The following COA6 variants were observed in gnomAD, a reference collection of about 807,000 sequenced individuals.
COA6 encodes cytochrome c oxidase assembly factor 6 homolog.
COA6 carries 12 observed loss-of-function variants against 17.1 expected under a neutral mutation model. That is an observed-to-expected ratio of 0.70 (90% confidence interval 0.45 to 1.14). COA6 has a LOEUF of 1.14. Among genes scored for constraint, COA6 ranks in the 50% most tolerant of loss-of-function variants. COA6 has a pLI of 0.00. For synonymous variants in COA6, 90 were observed against 73.4 expected (o/e 1.23, Z -1.16); for missense variants, 246 against 196.5 (o/e 1.25, Z -1.51).
chr1:234,383,030 A>AAG (rs1553268845), intron 2 of COA6, among the ~76,000 whole-genome samples: 58 of 73,244 alleles, frequency 7.9e-4, no homozygotes, highest in East Asian at 4.3e-3. Flanking sequence ...AGAGAGAGAG[A>AAG]GAAGGAAGGG....
At chr1:234,383,353 G>GA (rs1162640035) in intron 2 of COA6, among the ~76,000 whole-genome samples, 1 of 136,592 alleles carries the variant, frequency 7.3e-6, no homozygotes, top group African/African-American at 2.7e-5. Context: ...CACATCACAG[G>GA]AAAGGGAACA....
chr1:234,378,889 A>C (rs1217595749), intron 2 of COA6, among the ~76,000 whole-genome samples: 2 of 152,078 alleles, frequency 1.3e-5, no homozygotes, highest in East Asian at 3.8e-4. Context: ...TTTTGAAAAA[A>C]ACAAAACAAA....
chr1:234,374,001 TCA>T (rs1366517186), intron 1 of COA6: 16 of 1,011,272 alleles, frequency 1.6e-5, no homozygotes, highest in South Asian at 3.3e-5. Flanking sequence ...AGGGATCAAA[TCA>T]CACAGTGTGA....
chr1:234,373,936 G>C, intron 1 of COA6: 1 of 1,400,554 alleles, frequency 7.1e-7, no homozygotes, highest in Non-Finnish European at 9.7e-7. Context: ...CTAAGCGACT[G>C]GGACAGAACC....
At chr1:234,376,450 C>T (rs1277033605) in intron 2 of COA6, among the ~76,000 whole-genome samples, 3 of 152,196 alleles carry the variant, frequency 2.0e-5, no homozygotes, top group African/African-American at 7.2e-5. Flanking sequence ...ACACTCTACA[C>T]TCTACACACT....
rs778563166 is a variant in COA6 at position 234,373,707 on chromosome 1, C to T, written c.212+29C>T. The T allele has an allele frequency of 1.2e-5, 20 of 1,613,284 alleles. No homozygotes were observed. The highest frequency in any genetic ancestry group is 1.7e-5 in the Non-Finnish European group (20 of 1,179,618). Reference sequence around the variant, plus strand: ...GGCTTGCTGATGGGTCCGGGTGGGGCGCGCGTGGACTATGGGCCCGGGAGG... The same window carrying T: ...GGCTTGCTGATGGGTCCGGGTGGGGTGCGCGTGGACTATGGGCCCGGGAGG... On this transcript the variant is annotated intron_variant, in intron 1 of 2. Coordinates refer to ENST00000366615, the MANE Select transcript of COA6 (RefSeq NM_001206641.3).
At chr1:234,380,797 C>T (rs1266732636) in intron 2 of COA6, among the ~76,000 whole-genome samples, 3 of 152,296 alleles carry the variant, frequency 2.0e-5, no homozygotes, top group South Asian at 2.1e-4. Context: ...GTCAGGAGGT[C>T]GGGACCAGCC....
At chr1:234,378,149 C>T (rs1235809358) in intron 2 of COA6, among the ~76,000 whole-genome samples, 3 of 152,318 alleles carry the variant, frequency 2.0e-5, no homozygotes, top group Non-Finnish European at 2.9e-5. Flanking sequence ...TTCAAGAACA[C>T]ATAACCTGCC....
At chr1:234,375,611 G>T (rs148754553) in intron 2 of COA6, among the ~76,000 whole-genome samples, 2 of 152,264 alleles carry the variant, frequency 1.3e-5, no homozygotes, top group African/African-American at 4.8e-5. Flanking sequence ...CGTATTGGTG[G>T]CTGAGCTGGG....
At chr1:234,373,897 A>G (rs774625138) in intron 1 of COA6, 286 of 1,573,310 alleles carry the variant, frequency 1.8e-4, no homozygotes, top group Non-Finnish European at 2.2e-4. Flanking sequence ...CTGGTGGGAA[A>G]CGGGCTCGGA....
intron 1 of COA6, 127 bp downstream of exon 1, chr1:234,373,805 T>C (rs755050918): frequency 4.3e-6 from 7 of 1,613,728 alleles, no homozygotes; most frequent in African/African-American, 2.7e-5. Context: ...TGCTTGGTGA[T>C]TGTGGCCCCC....
intron 2 of COA6, among the ~76,000 whole-genome samples, chr1:234,376,429 G>A (rs1231027107): frequency 6.6e-6 from 1 of 152,038 alleles, no homozygotes; most frequent in Non-Finnish European, 1.5e-5. Flanking sequence ...CATGAATTGA[G>A]TACATCCTCT....
At chr1:234,379,071 A>G (rs1384338828) in intron 2 of COA6, among the ~76,000 whole-genome samples, 1 of 130,136 alleles carries the variant, frequency 7.7e-6, no homozygotes, top group Admixed American at 8.7e-5. Context: ...CAGTGGTGTG[A>G]TCTTTGCCAT....
chr1:234,373,944 A>G (rs753318206), intron 1 of COA6: 15 of 1,360,060 alleles, frequency 1.1e-5, no homozygotes, highest in Non-Finnish European at 1.0e-5. Context: ...CTGGGACAGA[A>G]CCACAGTTCT....
chr1:234,376,295 A>G (rs568670159), intron 2 of COA6, among the ~76,000 whole-genome samples: 4 of 152,226 alleles, frequency 2.6e-5, no homozygotes, highest in African/African-American at 9.6e-5. Flanking sequence ...TGTGCCAGAA[A>G]GGGTTTTTAC....
At chr1:234,373,881 G>C in intron 1 of COA6, 1 of 1,595,698 alleles carries the variant, frequency 6.3e-7, no homozygotes, top group Non-Finnish European at 8.6e-7. Context: ...TGCTGTCCCC[G>C]CTTTACTGGT....
intron 2 of COA6, among the ~76,000 whole-genome samples, chr1:234,383,395 GA>G (rs1389361266): frequency 7.7e-6 from 1 of 130,140 alleles, no homozygotes; most frequent in African/African-American, 2.8e-5. Context: ...GGGGTGGGGG[GA>G]GGGGGGGACA....
intron 2 of COA6, among the ~76,000 whole-genome samples, chr1:234,378,865 TG>T (rs932447589): frequency 3.3e-5 from 5 of 151,030 alleles, no homozygotes; most frequent in African/African-American, 9.8e-5. Context: ...TACAAGACTC[TG>T]GTTTTTTTTT....
At chr1:234,382,612 C>G (rs752734621) in intron 2 of COA6, among the ~76,000 whole-genome samples, 1 of 152,178 alleles carries the variant, frequency 6.6e-6, no homozygotes, top group African/African-American at 2.4e-5. Context: ...TTTTTACTTA[C>G]GAGCACCACT....
Sources: allele counts gnomAD v4.1 joint callset (sites outside exome capture counted in the v4.1 genomes callset), GRCh38; gene constraint gnomAD v4.1.1; transcripts MANE v1.5; gene names NCBI Gene and HGNC (gene_info 2026-07-23, HGNC 2026-07-21).